Variants in NALF1 observed in about 807,000 individuals in gnomAD.
NALF1 encodes NALCN channel auxiliary factor 1, also known as family with sequence similarity 155 member A.
Under a neutral mutation model 48.4 loss-of-function variants are expected in NALF1, and 3 were observed. The observed-to-expected ratio is 0.06, with a 90% CI of 0.03 to 0.16. The LOEUF (loss-of-function observed/expected upper bound fraction) is 0.16, where lower values mean the gene tolerates loss of function less well. Ranked by LOEUF, NALF1 falls within the 10% of genes least tolerant of loss-of-function variation. The pLI, the probability that NALF1 is intolerant of heterozygous loss-of-function variation, is 1.00. For missense variants in NALF1, 526 were observed against 571.5 expected (o/e 0.92, Z 0.81); for synonymous variants, 262 against 245.7 (o/e 1.07, Z -0.62).
chr13:107,486,865 T>C (rs1484074632), intron 1 of NALF1, among the ~76,000 whole-genome samples: 3 of 152,288 alleles, frequency 2.0e-5, no homozygotes, highest in Middle Eastern at 3.4e-3. Flanking sequence ...TTTTGAGAAA[T>C]AGTAGTATTT....
At chr13:107,557,741 C>G (rs1304864133) in intron 1 of NALF1, among the ~76,000 whole-genome samples, 1 of 152,054 alleles carries the variant, frequency 6.6e-6, no homozygotes, top group East Asian at 1.9e-4. Flanking sequence ...ATCCATGGGT[C>G]CCAAATCCCA....
In NALF1 at chr13:107,170,643, T is replaced by C; in HGVS notation, c.1231A>G (p.Arg411Gly). 6.2e-7 allele frequency: 1 copy of C among 1,614,228 alleles called. No individual in the cohort carries two copies. The highest frequency in any genetic ancestry group is 8.5e-7 in the Non-Finnish European group (1 of 1,180,042). Residue 411 changes from arginine to glycine, a missense_variant, in exon 3 of 3, where the codon AGA (arginine) becomes GGA (glycine). By Grantham distance (125) the Arg-to-Gly change is moderately radical. Coordinates refer to ENST00000375915, the MANE Select transcript of NALF1 (RefSeq NM_001080396.3). ...RTSLTVSSAT[R>G]LCNSRLKLCV... ...AGCTTGAGTCTGCTGTTGCACAGTC[T>C]TGTTGCTGATGACACTGTGAGCGAT...
chr13:107,304,055 T>C (rs1054658027), intron 1 of NALF1, among the ~76,000 whole-genome samples: 1 of 152,178 alleles, frequency 6.6e-6, no homozygotes, highest in African/African-American at 2.4e-5. Context: ...TCGTTTAGCC[T>C]ACATGATTCA....
At chr13:107,200,311 C>T (rs1322094209) in intron 2 of NALF1, among the ~76,000 whole-genome samples, 1 of 152,112 alleles carries the variant, frequency 6.6e-6, no homozygotes, top group Non-Finnish European at 1.5e-5. Context: ...GCTTCACATG[C>T]TGGGTGGCTA....
intron 2 of NALF1, among the ~76,000 whole-genome samples, chr13:107,208,214 T>C (rs1446980007): frequency 1.3e-5 from 2 of 152,216 alleles, no homozygotes; most frequent in Non-Finnish European, 2.9e-5. Context: ...TAAGAACTAC[T>C]GTTCTTAGGT....
Position 107,762,107 on chromosome 13 carries a change from C to T in NALF1, c.915+103575G>A, listed in dbSNP as rs867478063. Among the ~76,000 whole-genome samples, 10 of 152,210 alleles carry T rather than the reference C, an allele frequency of 6.6e-5. No individual in the cohort carries two copies. In the South Asian group the frequency reaches 1.2e-3, roughly 19 times the overall value. On this transcript the variant is annotated intron_variant, in intron 1 of 2. Coordinates refer to ENST00000375915, the MANE Select transcript of NALF1 (RefSeq NM_001080396.3). ...GATTCAAATCTAGGTATTTTGAGCA[C>T]TGACCCAGTTATTCAGGCAATTAAT...
At chr13:107,776,635 T>G (rs2138574662) in intron 1 of NALF1, among the ~76,000 whole-genome samples, 1 of 152,330 alleles carries the variant, frequency 6.6e-6, no homozygotes, top group Non-Finnish European at 1.5e-5. Context: ...TCATGATAGA[T>G]CTTATGAATA....
At chr13:107,702,480 A>G (rs555944716) in intron 1 of NALF1, among the ~76,000 whole-genome samples, 55 of 151,472 alleles carry the variant, frequency 3.6e-4, no homozygotes, top group Non-Finnish European at 5.9e-4. Flanking sequence ...TATATATTTT[A>G]GAAATTTTCT....
intron 1 of NALF1, among the ~76,000 whole-genome samples, chr13:107,578,849 T>C (rs1159574278): frequency 6.6e-6 from 1 of 152,180 alleles, no homozygotes; most frequent in South Asian, 2.1e-4. Flanking sequence ...GTATTTCATT[T>C]CTTAAGTATG....
intron 1 of NALF1, among the ~76,000 whole-genome samples, chr13:107,507,368 A>G (rs911325244): frequency 6.6e-6 from 1 of 151,968 alleles, no homozygotes; most frequent in East Asian, 1.9e-4. Context: ...AATAGAGGAC[A>G]TCTGTTTCTA....
intron 1 of NALF1, among the ~76,000 whole-genome samples, chr13:107,412,266 A>T (rs1270430550): frequency 6.6e-6 from 1 of 152,162 alleles, no homozygotes; most frequent in Middle Eastern, 3.2e-3. Context: ...TAAGCATGTC[A>T]CGGAAGTTGT....
At chr13:107,406,593 G>A (rs548194358) in intron 1 of NALF1, among the ~76,000 whole-genome samples, 1 of 152,002 alleles carries the variant, frequency 6.6e-6, no homozygotes, top group South Asian at 2.1e-4. Flanking sequence ...ACTACCCAAA[G>A]CAATCTACAG....
At chr13:107,819,524 A>T (rs768219380) in intron 1 of NALF1, among the ~76,000 whole-genome samples, 2 of 152,198 alleles carry the variant, frequency 1.3e-5, no homozygotes, top group African/African-American at 4.8e-5. Context: ...TGAATCTTCC[A>T]CAAGTACAAT....
chr13:107,226,931 A>T (rs906888452), intron 1 of NALF1, among the ~76,000 whole-genome samples: 2 of 152,256 alleles, frequency 1.3e-5, no homozygotes, highest in Non-Finnish European at 2.9e-5. Context: ...ATTGGGCCAC[A>T]TGACTTCTAT....
intron 1 of NALF1, among the ~76,000 whole-genome samples, chr13:107,350,418 A>G (rs768512945): frequency 3.9e-5 from 6 of 152,230 alleles, no homozygotes; most frequent in Non-Finnish European, 7.3e-5. Context: ...TCTTTTTAAG[A>G]GTTAACAAAA....
intron 1 of NALF1, among the ~76,000 whole-genome samples, chr13:107,812,184 A>C (rs1057051762): frequency 6.6e-6 from 1 of 152,212 alleles, no homozygotes; most frequent in East Asian, 1.9e-4. Flanking sequence ...ATGTTAAATG[A>C]ATGAAAAGTC....
At chr13:107,645,680 CAAAAAA>C (rs56187783) in intron 1 of NALF1, among the ~76,000 whole-genome samples, 78 of 132,500 alleles carry the variant, frequency 5.9e-4, no homozygotes, top group East Asian at 4.1e-3. Context: ...TACTGGGAGA[CAAAAAA>C]AAAAAAAAAA....
intron 1 of NALF1, among the ~76,000 whole-genome samples, chr13:107,484,657 C>T (rs2476778): frequency 0.99 from 150,273 of 152,278 alleles, 74,182 homozygotes; most frequent in South Asian, 1. Context: ...GAGTGCAATA[C>T]AGTACACTTG....
intron 1 of NALF1, among the ~76,000 whole-genome samples, chr13:107,334,762 T>C (rs564225369): frequency 6.6e-6 from 1 of 152,312 alleles, no homozygotes; most frequent in African/African-American, 2.4e-5. Context: ...TTAGAAGCAG[T>C]TACTTTTTGG....
Sources: allele counts gnomAD v4.1 joint callset (sites outside exome capture counted in the v4.1 genomes callset), GRCh38; gene constraint gnomAD v4.1.1; transcripts MANE v1.5; gene names NCBI Gene and HGNC (gene_info 2026-07-23, HGNC 2026-07-21).